Variants in MTUS2 observed in about 807,000 individuals in gnomAD.
MTUS2 encodes the protein microtubule-associated tumor suppressor candidate 2.
MTUS2 carries 40 observed loss-of-function variants against 114.1 expected under a neutral mutation model. The ratio of observed to expected loss-of-function variants is 0.35; its 90% CI spans 0.27 to 0.46. The LOEUF is 0.46. Among genes scored for constraint, MTUS2 ranks in the 20% least tolerant of loss-of-function variants. The pLI is 1.00. For missense variants in MTUS2, 1,679 were observed against 1,705.4 expected (o/e 0.98, Z 0.27); for synonymous variants, 688 against 672.0 (o/e 1.02, Z -0.37).
chr13:29,272,780 G>T (rs1897925615), intron 5 of MTUS2, among the ~76,000 whole-genome samples: 1 of 152,190 alleles, frequency 6.6e-6, no homozygotes, highest in Non-Finnish European at 1.5e-5. Context: ...TCCTTTTTCA[G>T]CAGCTGTCTT....
chr13:29,025,421 G>A lies in MTUS2; in HGVS notation c.723G>A (p.Val241=). ...ACAGTACCTCAGAGGGAAAGAGTGT[G>A]CGTCATCCTAAACCATCTACCTCAG... ...ATDSTSEGKS[V]RHPKPSTSES... is the part of the protein sequence containing the mutation. The change falls in exon 3 of 16, where the codon GTG becomes GTA. Residue 241 remains valine (V), a synonymous_variant. Transcript: ENST00000612955. The A allele has an allele frequency of 6.2e-7, 1 of 1,613,048 alleles. No homozygotes were observed. The highest frequency in any genetic ancestry group is 1.1e-5 in the South Asian group (1 of 90,946).
At chr13:29,449,663 G>GT (rs1878547213) in intron 9 of MTUS2, among the ~76,000 whole-genome samples, 2 of 128,732 alleles carry the variant, frequency 1.6e-5, no homozygotes, top group East Asian at 2.0e-4. Flanking sequence ...ACCACCAAGT[G>GT]GTTTTTTTTT....
Position 29,026,005 on chromosome 13 carries a change from A to G in MTUS2, c.1307A>G (p.His436Arg), listed in dbSNP as rs760649248. The G allele has an allele frequency of 2.5e-6, 4 of 1,614,016 alleles. No individual in the cohort carries two copies. The highest frequency in any genetic ancestry group is 1.7e-6 in the Non-Finnish European group (2 of 1,179,884). The part of the protein sequence containing the change: ...TSSSFSPGDS[H>R]VAFIPNNLTD... ...AGCAGCTTTTCACCAGGTGACAGTCATGTGGCTTTTATTCCTAATAATCTG... is the reference window on the plus strand; with the variant it reads ...AGCAGCTTTTCACCAGGTGACAGTCGTGTGGCTTTTATTCCTAATAATCTG... Residue 436 changes from histidine (H) to arginine (R), a missense_variant, in exon 3 of 16, where the codon CAT (histidine) becomes CGT (arginine). His to Arg is a conservative substitution (Grantham distance 29, BLOSUM62 0). Around this residue, in one of 3 missense-constraint regions of MTUS2, gnomAD observed 843 missense variants for 770.8 expected, o/e 1.09. Coordinates refer to ENST00000612955, the MANE Select transcript of MTUS2 (RefSeq NM_001033602.4).
intron 8 of MTUS2, among the ~76,000 whole-genome samples, chr13:29,389,611 ATATG>A (rs1198682449): frequency 1.8e-5 from 1 of 56,838 alleles, no homozygotes; most frequent in East Asian, 4.7e-4. Context: ...ATACGTATAC[ATATG>A]TGTGTATATA....
rs559055203 is a variant in MTUS2 at position 29,162,931 on chromosome 13, A to G, written c.2644+61961A>G. On this transcript the variant is annotated intron_variant, in intron 5 of 15. Coordinates refer to ENST00000612955, the MANE Select transcript of MTUS2 (RefSeq NM_001033602.4). ...GGCTGCAAATGGGCAGTGGCCCCAA[A>G]TGCACTCTGAAGGTCAGGAGAAAAT... 3.2e-4 allele frequency among the ~76,000 whole-genome samples: 48 copies of G among 152,258 alleles called. 1 individual carries two copies. The East Asian group carries it at 9.3e-3, about 29-fold the overall frequency.
In MTUS2 at chr13:29,324,627, G is replaced by C. The variant is rs1227264566; in HGVS notation, c.2821G>C (p.Ala941Pro). Residue 941 changes from alanine to proline, a missense_variant, in exon 7 of 16, where the codon GCT becomes CCT. By Grantham distance (27) the Ala-to-Pro change is conservative. Around this residue, in one of 3 missense-constraint regions of MTUS2, gnomAD observed 822 missense variants for 899.7 expected, o/e 0.91. Transcript: ENST00000612955. The part of the protein sequence containing the change: ...TSTPAGTKKD[A>P]QKDQDTNKPA... Reference sequence around the variant, plus strand: ...ACTATACACAGGAACAAAGAAAGATGCTCAGAAAGATCAAGATACGAATAA... The same window carrying C: ...ACTATACACAGGAACAAAGAAAGATCCTCAGAAAGATCAAGATACGAATAA... The C allele has an allele frequency of 1.3e-6, 2 of 1,583,666 alleles. No individual in the cohort carries two copies. The highest frequency in any genetic ancestry group is 2.7e-5 in the African/African-American group (2 of 74,598).
intron 2 of MTUS2, among the ~76,000 whole-genome samples, chr13:28,935,012 T>TG (rs1566234392): frequency 1.4e-5 from 2 of 141,856 alleles, no homozygotes; most frequent in African/African-American, 5.6e-5. Context: ...TAGCGTTTTT[T>TG]TTTTTTTTTT....
At chr13:29,374,619 C>T (rs768657258) in intron 8 of MTUS2, among the ~76,000 whole-genome samples, 12 of 152,116 alleles carry the variant, frequency 7.9e-5, no homozygotes, top group Non-Finnish European at 1.5e-4. Context: ...TGAAATAGGC[C>T]GGGCATGGAG....
At chr13:28,840,885 T>G (rs1875430281) in intron 2 of MTUS2, among the ~76,000 whole-genome samples, 2 of 152,244 alleles carry the variant, frequency 1.3e-5, no homozygotes, top group Admixed American at 6.5e-5. Context: ...AAGGGTAGCC[T>G]GAGCTTTTTA....
intron 5 of MTUS2, among the ~76,000 whole-genome samples, chr13:29,192,799 C>T (rs1443145810): frequency 1.3e-5 from 2 of 152,130 alleles, no homozygotes; most frequent in Admixed American, 6.5e-5. Context: ...TATCTTTGAA[C>T]CCAAACTGGT....
intron 2 of MTUS2, among the ~76,000 whole-genome samples, chr13:28,952,954 A>G (rs1164433567): frequency 6.6e-6 from 1 of 152,240 alleles, no homozygotes; most frequent in Admixed American, 6.5e-5. Flanking sequence ...TCTCATTAAA[A>G]TGTACCTTTA....
intron 3 of MTUS2, among the ~76,000 whole-genome samples, chr13:29,032,500 A>G (rs1022425150): frequency 6.6e-6 from 1 of 152,214 alleles, no homozygotes; most frequent in African/African-American, 2.4e-5. Flanking sequence ...AAAACCAGAG[A>G]TTGATAGTGA....
intron 8 of MTUS2, among the ~76,000 whole-genome samples, chr13:29,377,169 A>G (rs1044940955): frequency 2.6e-5 from 4 of 152,190 alleles, no homozygotes; most frequent in Non-Finnish European, 4.4e-5. Context: ...TGAGATTTCA[A>G]CACCCCTGGC....
chr13:29,084,524 C>T (rs1258865134), intron 4 of MTUS2, among the ~76,000 whole-genome samples: 3 of 59,350 alleles, frequency 5.1e-5, no homozygotes, highest in Non-Finnish European at 1.3e-4. Context: ...CCTCCCCTCC[C>T]CTCTCCCCCC....
chr13:29,017,713 A>AC (rs530631398), intron 2 of MTUS2, among the ~76,000 whole-genome samples: 34 of 152,050 alleles, frequency 2.2e-4, no homozygotes, highest in African/African-American at 7.5e-4. Context: ...GAAAAAAAAA[A>AC]AAACTCACAT....
Position 29,024,555 on chromosome 13 carries a change from A to T in MTUS2, c.-144A>T. On this transcript the variant is annotated 5_prime_UTR_variant, in exon 3 of 16. An upstream start codon of the reference 5' UTR is lost. Coordinates refer to ENST00000612955, the MANE Select transcript of MTUS2 (RefSeq NM_001033602.4). Reference sequence around the variant, plus strand: ...GCTTGGTTTTCAAGCTGTTCTGAGAATGATTAAAGCAGTGTCGCAAGGTGA... The same window carrying T: ...GCTTGGTTTTCAAGCTGTTCTGAGATTGATTAAAGCAGTGTCGCAAGGTGA... 1 of 959,844 alleles carries T rather than the reference A, an allele frequency of 1.0e-6. No homozygotes were observed. The highest frequency in any genetic ancestry group is 1.6e-6 in the Non-Finnish European group (1 of 642,078). The allele number at this position is 959,844 out of a possible 1,614,324, so 59.5% of individuals were successfully genotyped here.
At chr13:29,156,789 G>C (rs1892879262) in intron 5 of MTUS2, among the ~76,000 whole-genome samples, 1 of 152,060 alleles carries the variant, frequency 6.6e-6, no homozygotes, top group African/African-American at 2.4e-5. Flanking sequence ...CAAATATTCT[G>C]ATACTCAACA....
In MTUS2 at chr13:29,138,776, T is replaced by G. The variant is rs12585358; in HGVS notation, c.2644+37806T>G. Among the ~76,000 whole-genome samples, 278 of 152,122 alleles carry G rather than the reference T, an allele frequency of 1.8e-3. 6 individuals carry two copies. The East Asian group carries it at 0.043, about 24-fold the overall frequency. ...AAAAATAACTCATCCAAAGTCAACA[T>G]AAAGCCATTTTAAAATGCCACTGCA... is the stretch of plus-strand genomic sequence containing the variant. On this transcript the variant is annotated intron_variant, in intron 5 of 15. Transcript: ENST00000612955.
intron 5 of MTUS2, among the ~76,000 whole-genome samples, chr13:29,223,567 T>A (rs932280633): frequency 3.9e-5 from 6 of 152,212 alleles, no homozygotes; most frequent in African/African-American, 9.6e-5. Context: ...TCCTCTGAGA[T>A]GTTCTGACAC....
Sources: gnomAD v4.1 joint callset for allele counts (sites outside exome capture counted in the v4.1 genomes callset) on GRCh38, gnomAD v4.1.1 for gene constraint, gnomAD v4.1.1 regional missense constraint, MANE v1.5 for transcripts, NCBI Gene and HGNC (gene_info 2026-07-23, HGNC 2026-07-21) for gene names.